ZNF462: variants seen among roughly 807,000 people sequenced by gnomAD.
The protein encoded by ZNF462 is zinc finger PBX1-interacting protein.
Under a neutral mutation model 201.9 loss-of-function variants are expected in ZNF462, and 10 were observed. That is an observed-to-expected ratio of 0.05 (90% CI 0.03 to 0.08). The LOEUF (loss-of-function observed/expected upper bound fraction) is 0.08, where lower values mean the gene tolerates loss of function less well. ZNF462 is among the 10% of genes least tolerant of loss of function. The pLI, the probability that ZNF462 is intolerant of heterozygous loss-of-function variation, is 1.00. For missense variants in ZNF462, 2,523 were observed against 3,168.3 expected (o/e 0.80, Z 4.89); for synonymous variants, 1,227 against 1,193.3 (o/e 1.03, Z -0.58).
rs555072214 is a variant in ZNF462, at chr9:106,865,402, A to G, written c.-31+2047A>G. 1.4e-3 allele frequency among the ~76,000 whole-genome samples: 208 copies of G among 152,158 alleles called. No homozygotes were observed. Among genetic ancestry groups the G allele is most frequent in the African/African-American group, 4.8e-3 (200 of 41,528 alleles). On this transcript the variant is annotated intron_variant, in intron 1 of 12. Transcript: ENST00000277225. This position sits in a 1 kb window ranked among gnomAD's most constrained non-coding sequence, Gnocchi z 4.1. ...CTAAGCTGAGATTTTTTTGAGTTCTAGGGTTTGGTTATCATCATGTTTTGA... is the reference window on the plus strand; with the variant it reads ...CTAAGCTGAGATTTTTTTGAGTTCTGGGGTTTGGTTATCATCATGTTTTGA...
intron 7 of ZNF462, among the ~76,000 whole-genome samples, chr9:106,952,102 T>C (rs769040028): frequency 2.6e-5 from 4 of 152,182 alleles, no homozygotes; most frequent in Non-Finnish European, 4.4e-5. Flanking sequence ...GAGATTTGGC[T>C]TGAAAGCTGC....
chr9:106,995,227 G>A (rs983814978), intron 10 of ZNF462, among the ~76,000 whole-genome samples: 4 of 152,066 alleles, frequency 2.6e-5, no homozygotes, highest in African/African-American at 7.2e-5. Context: ...CTTTTGCTAA[G>A]TTAGGTATGA....
rs1308403827 is a variant in ZNF462 at position 107,013,237 on chromosome 9, G to A, written c.*2207G>A. 1 of 152,018 alleles carries A rather than the reference G, an allele frequency of 6.6e-6. No homozygotes were observed. Among genetic ancestry groups the A allele is most frequent in the Non-Finnish European group, 1.5e-5 (1 of 67,982 alleles). The allele number at this position is 152,018 out of a possible 1,614,324, so 9.4% of individuals were successfully genotyped here. Reference sequence around the variant, plus strand: ...TGCTAACCTGTTAATAAAAATATGGGACCATTATCCTTTTAACAAGGCTAG... The same window carrying A: ...TGCTAACCTGTTAATAAAAATATGGAACCATTATCCTTTTAACAAGGCTAG... On this transcript the variant is annotated 3_prime_UTR_variant, in exon 13 of 13. Transcript: ENST00000277225.
chr9:106,892,901 C>G (rs1004923847), intron 1 of ZNF462, among the ~76,000 whole-genome samples: 1 of 152,178 alleles, frequency 6.6e-6, no homozygotes, highest in African/African-American at 2.4e-5. Flanking sequence ...GCCTTTGCCT[C>G]ATCCCATTCC....
intron 1 of ZNF462, among the ~76,000 whole-genome samples, chr9:106,873,227 C>G (rs528572729): frequency 1.1e-4 from 16 of 152,234 alleles, no homozygotes; most frequent in Admixed American, 3.3e-4. Flanking sequence ...AGAGATATAA[C>G]TTATTGCAAT....
upstream of ZNF462, among the ~76,000 whole-genome samples, chr9:106,860,215 T>A (rs1369675915): frequency 6.6e-6 from 1 of 151,966 alleles, no homozygotes; most frequent in African/African-American, 2.4e-5. This position sits in a 1 kb window ranked among gnomAD's most constrained non-coding sequence, Gnocchi z 7.1. Flanking sequence ...TCGCTCGAGG[T>A]GAGTGTGAAA....
At chr9:106,986,551 T>G (rs991103381) in intron 10 of ZNF462, among the ~76,000 whole-genome samples, 4 of 152,194 alleles carry the variant, frequency 2.6e-5, no homozygotes, top group Non-Finnish European at 1.5e-5. Context: ...GCAGCTGTGT[T>G]CCCAAAGACC....
chr9:106,925,376 C>T lies in ZNF462; in HGVS notation c.1464C>T (p.His488=), dbSNP rs750317324. The stretch of plus-strand genomic sequence containing the variant: ...AGAGCTCGTTGAAACTTGGGGCTCA[C>T]AAACAGTGTCACACGGGTACAACGT... ...TCKSSLKLGA[H]KQCHTGTTSD... Residue 488 remains histidine, a synonymous_variant, in exon 3 of 13, where the codon CAC becomes CAT. Coordinates refer to ENST00000277225, the MANE Select transcript of ZNF462 (RefSeq NM_021224.6). The surrounding 1 kb of genome is among the most constrained non-coding windows in gnomAD (Gnocchi z 7.9). 19 of 1,614,104 alleles carry T rather than the reference C, an allele frequency of 1.2e-5. No individual in the cohort carries two copies. In the East Asian group the frequency reaches 4.2e-4, roughly 36 times the overall value.
In ZNF462 at chr9:106,930,233, A is replaced by G. The variant is rs1247832862; in HGVS notation, c.5848-292A>G. On this transcript the variant is annotated intron_variant, in intron 3 of 12. Coordinates refer to ENST00000277225, the MANE Select transcript of ZNF462 (RefSeq NM_021224.6). This position sits in a 1 kb window ranked among gnomAD's most constrained non-coding sequence, Gnocchi z 5.8. Reference sequence around the variant, plus strand: ...CAACTATGCAACGTTTCACCTGCCTAGTTGAAACTGGTTTGAAAACCAGAT... The same window carrying G: ...CAACTATGCAACGTTTCACCTGCCTGGTTGAAACTGGTTTGAAAACCAGAT... Among the ~76,000 whole-genome samples, 1 of 152,138 alleles carries G rather than the reference A, an allele frequency of 6.6e-6. No individual in the cohort carries two copies. Among genetic ancestry groups the G allele is most frequent in the Non-Finnish European group, 1.5e-5 (1 of 68,020 alleles).
chr9:106,898,148 T>G (rs1390956243), intron 1 of ZNF462, among the ~76,000 whole-genome samples: 3 of 152,226 alleles, frequency 2.0e-5, no homozygotes, highest in Non-Finnish European at 4.4e-5. Flanking sequence ...TAATAACATT[T>G]GGAGGAAGAA....
In ZNF462 at chr9:106,926,793, A is replaced by G; in HGVS notation, c.2881A>G (p.Ser961Gly). ...GATCAACAACGCGATGATATTTTCA[A>G]GCTATGTCGTGGAGCAGCAGGAAGG... is the stretch of plus-strand genomic sequence containing the variant. ...VKINNAMIFS[S>G]YVVEQQEGLN... The change falls in exon 3 of 13, where the codon AGC becomes GGC. Residue 961 changes from serine (S) to glycine (G), a missense_variant. Ser to Gly is a moderately conservative substitution (Grantham distance 56, BLOSUM62 0). Around this residue, in one of 15 missense-constraint regions of ZNF462, gnomAD observed 280 missense variants for 321.3 expected, o/e 0.87. Transcript: ENST00000277225. This position sits in a 1 kb window ranked among gnomAD's most constrained non-coding sequence, Gnocchi z 7.9. 3 of 1,614,212 alleles carry G rather than the reference A, an allele frequency of 1.9e-6. No homozygotes were observed. Among genetic ancestry groups the G allele is most frequent in the African/African-American group, 1.3e-5 (1 of 75,058 alleles).
intron 11 of ZNF462, among the ~76,000 whole-genome samples, chr9:107,004,361 A>T (rs1829402193): frequency 6.6e-6 from 1 of 152,130 alleles, no homozygotes. Context: ...ATTTTTCTTT[A>T]ATCTCATGAC....
intron 1 of ZNF462, among the ~76,000 whole-genome samples, chr9:106,911,020 T>A (rs1381095780): frequency 6.6e-6 from 1 of 152,134 alleles, no homozygotes; most frequent in African/African-American, 2.4e-5. Flanking sequence ...ATTTTCTAGG[T>A]AAAATACTCT....
intron 1 of ZNF462, among the ~76,000 whole-genome samples, chr9:106,916,126 A>G (rs1190190949): frequency 1.3e-5 from 2 of 152,152 alleles, no homozygotes; most frequent in Admixed American, 1.3e-4. Context: ...CTGGCCATAC[A>G]TCATTTTTTT....
chr9:106,953,123 G>GA (rs1221493867), intron 7 of ZNF462, among the ~76,000 whole-genome samples: 2 of 152,144 alleles, frequency 1.3e-5, no homozygotes, highest in Admixed American at 1.3e-4. Flanking sequence ...CTCTTGGAAG[G>GA]AAAAAACCAA....
rs1184429604 is a variant in ZNF462, at chr9:106,927,270, T to A, written c.3358T>A (p.Ser1120Thr). 5 of 1,600,400 alleles carry A rather than the reference T, an allele frequency of 3.1e-6. No individual in the cohort carries two copies. Among genetic ancestry groups the A allele is most frequent in the Admixed American group, 1.7e-5 (1 of 59,380 alleles). The change falls in exon 3 of 13, where the codon TCC (serine) becomes ACC (threonine). Residue 1120 changes from serine (S) to threonine (T), a missense_variant. Ser to Thr is a moderately conservative substitution (Grantham distance 58). Around this residue, in one of 15 missense-constraint regions of ZNF462, gnomAD observed 280 missense variants for 321.3 expected, o/e 0.87. Coordinates refer to ENST00000277225, the MANE Select transcript of ZNF462 (RefSeq NM_021224.6). Reference sequence around the variant, plus strand: ...TGAGCTTTACTACTGCAAACACTGTTCCTACAGCAATCGGTCAGTTGTGGG... The same window carrying A: ...TGAGCTTTACTACTGCAAACACTGTACCTACAGCAATCGGTCAGTTGTGGG... ...STELYYCKHC[S>T]YSNRSVVGVL... is the part of the protein sequence containing the mutation.
chr9:107,007,840 A>T (rs1455289942), intron 11 of ZNF462, among the ~76,000 whole-genome samples: 1 of 152,116 alleles, frequency 6.6e-6, no homozygotes. Flanking sequence ...GGAACTTAGT[A>T]TGTGCCATTG....
In ZNF462 at chr9:106,886,483, T is replaced by C. The variant is rs953768679; in HGVS notation, c.-31+23128T>C. ...GGATGCCACCCTGAGGATCCAGACA[T>C]AGGCTGTGAGCACATTTGAAATCCA... On this transcript the variant is annotated intron_variant, in intron 1 of 12. Transcript: ENST00000277225. The surrounding 1 kb of genome is among the most constrained non-coding windows in gnomAD (Gnocchi z 4.6). 6.6e-6 allele frequency among the ~76,000 whole-genome samples: 1 copy of C among 152,122 alleles called. No individual in the cohort carries two copies. The highest frequency in any genetic ancestry group is 1.5e-5 in the Non-Finnish European group (1 of 68,016).
rs1829946220 is a variant in ZNF462 at position 106,920,454 on chromosome 9, C to T, written c.-30-2900C>T. On this transcript the variant is annotated intron_variant, in intron 1 of 12. Transcript: ENST00000277225. The surrounding 1 kb of genome is among the most constrained non-coding windows in gnomAD (Gnocchi z 4.3). Reference sequence around the variant, plus strand: ...TACATCCTCCTTTCAGTACTTGGTGCAGACATGAAATTGAAGGCCATTCAG... The same window carrying T: ...TACATCCTCCTTTCAGTACTTGGTGTAGACATGAAATTGAAGGCCATTCAG... 6.6e-6 allele frequency among the ~76,000 whole-genome samples: 1 copy of T among 152,194 alleles called. No homozygotes were observed. Among genetic ancestry groups the T allele is most frequent in the Non-Finnish European group, 1.5e-5 (1 of 68,034 alleles).
Sources: allele counts gnomAD v4.1 joint callset (sites outside exome capture counted in the v4.1 genomes callset), GRCh38; gene constraint gnomAD v4.1.1; regional missense constraint gnomAD v4.1.1; non-coding constraint Gnocchi (gnomAD v3.1); transcripts MANE v1.5; gene names NCBI Gene and HGNC (gene_info 2026-07-23, HGNC 2026-07-21).